Variants in C18orf32 observed in about 807,000 individuals in gnomAD.
The protein encoded by C18orf32 is chromosome 18 open reading frame 32.
In C18orf32, 5 loss-of-function variants were observed where a neutral mutation model predicts 7.4. That is an observed-to-expected ratio of 0.68 (90% CI 0.35 to 1.42). The LOEUF is 1.42. Among genes scored for constraint, C18orf32 ranks in the 40% most tolerant of loss-of-function variants. The pLI is 0.04. For synonymous variants in C18orf32, 30 were observed against 29.3 expected, an observed-to-expected ratio of 1.02 and a Z score of -0.08; for missense variants, 88 against 92.4, an observed-to-expected ratio of 0.95 and a Z score of 0.19.
At chr18:49,483,815 G>T in intron 1 of C18orf32, 44 bp from the exon 2 acceptor site, 1 of 1,568,820 alleles carries the variant, frequency 6.4e-7, no homozygotes, top group South Asian at 1.2e-5. Context: ...TCACAGATTA[G>T]TAACTGAAAG....
In C18orf32 at chr18:49,479,276, G is replaced by A. The variant is rs1011342151; in HGVS notation, c.*3069C>T. On this transcript the variant is annotated 3_prime_UTR_variant, in exon 3 of 3. Transcript: ENST00000318240. ...TGAGGGATAAACCAAGAAGGAAGAG[G>A]ATAGGAAATCCAGAAACAAGACGTC... The A allele has an allele frequency of 1.3e-5, 2 of 152,206 alleles. No homozygotes were observed. The highest frequency in any genetic ancestry group is 4.8e-5 in the African/African-American group (2 of 41,430). The allele number at this position is 152,206 out of a possible 1,614,324, so 9.4% of individuals were successfully genotyped here.
In C18orf32 at chr18:49,480,830, T is replaced by C. The variant is rs1024525240; in HGVS notation, c.*1515A>G. The C allele has an allele frequency of 1.3e-5, 2 of 152,122 alleles. No individual in the cohort carries two copies. Among genetic ancestry groups the C allele is most frequent in the Non-Finnish European group, 2.9e-5 (2 of 68,028 alleles). 9.4% of individuals were successfully genotyped at this position (152,122 alleles called of 1,614,324 possible). On this transcript the variant is annotated 3_prime_UTR_variant, in exon 3 of 3. Coordinates refer to ENST00000318240, the MANE Select transcript of C18orf32 (RefSeq NM_001035005.4). ...TAAGAACAAATTAATTTTCAAAAAG[T>C]TGCTAGAAGGTTACACACAAAATCA... is the stretch of plus-strand genomic sequence containing the variant.
intron 1 of C18orf32, among the ~76,000 whole-genome samples, chr18:49,484,150 ATATATATAT>A (rs1568495840): frequency 0.091 from 4,727 of 51,698 alleles, 233 homozygotes; most frequent in Admixed American, 0.16. Context: ...AAAAAAAAAT[ATATATATAT>A]ATATATATAC....
chr18:49,484,231 A>T (rs1214944941), intron 1 of C18orf32, among the ~76,000 whole-genome samples: 2 of 151,304 alleles, frequency 1.3e-5, no homozygotes, highest in Non-Finnish European at 2.9e-5. Context: ...TGTAGGAAAA[A>T]CTTAAAACAT....
chr18:49,482,006 C>A lies in C18orf32; in HGVS notation c.*339G>T. 1 of 223,510 alleles carries A rather than the reference C, an allele frequency of 4.5e-6. No individual in the cohort carries two copies. Among genetic ancestry groups the A allele is most frequent in the Non-Finnish European group, 8.8e-6 (1 of 113,906 alleles). 13.8% of individuals were successfully genotyped at this position (223,510 alleles called of 1,614,324 possible). On this transcript the variant is annotated 3_prime_UTR_variant, in exon 3 of 3. Coordinates refer to ENST00000318240, the MANE Select transcript of C18orf32 (RefSeq NM_001035005.4). ...AGCCCAAAGAAATTAGAGCAAACAG[C>A]AAATTCATATGAATTAGAGAACCAA... is the stretch of plus-strand genomic sequence containing the variant.
Position 49,481,735 on chromosome 18 carries a change from A to G in C18orf32, c.*610T>C, listed in dbSNP as rs1391953072. The G allele has an allele frequency of 6.6e-6, 1 of 152,260 alleles. No homozygotes were observed. Among genetic ancestry groups the G allele is most frequent in the Non-Finnish European group, 1.5e-5 (1 of 68,060 alleles). 9.4% of individuals were successfully genotyped at this position (152,260 alleles called of 1,614,324 possible). On this transcript the variant is annotated 3_prime_UTR_variant, in exon 3 of 3. Coordinates refer to ENST00000318240, the MANE Select transcript of C18orf32 (RefSeq NM_001035005.4). ...AAGGATTAAAATTTTATAATTAGAC[A>G]TTAATGTAACAGATGTTTCATTTTT...
rs1438163192 is a variant in C18orf32 at position 49,478,669 on chromosome 18, C to A, written c.*3676G>T. 1.3e-5 allele frequency: 2 copies of A among 150,272 alleles called. 1 individual carries two copies. The highest frequency in any genetic ancestry group is 5.0e-5 in the African/African-American group (2 of 39,608). 9.3% of individuals were successfully genotyped at this position (150,272 alleles called of 1,614,324 possible). On this transcript the variant is annotated 3_prime_UTR_variant, in exon 3 of 3. Transcript: ENST00000318240. The stretch of plus-strand genomic sequence containing the variant: ...GTACAATGTGTTTAACAAAGGGTAG[C>A]TCTTACTAAAAAGGCAGCCCTGACC...
chr18:49,484,974 C>T (rs1454693260), intron 1 of C18orf32, among the ~76,000 whole-genome samples: 1 of 151,794 alleles, frequency 6.6e-6, no homozygotes, highest in Admixed American at 6.6e-5. Flanking sequence ...CCCAGCTACT[C>T]GGGAGGCTGA....
intron 2 of C18orf32, 66 bp downstream of exon 2, chr18:49,483,518 T>A: frequency 6.7e-7 from 1 of 1,484,872 alleles, no homozygotes; most frequent in Non-Finnish European, 8.9e-7. Flanking sequence ...CCTTCCAAAA[T>A]CTAGTGTTTC....
At position 49,478,912 on chromosome 18, in the gene C18orf32, T is replaced by TGA. The variant is rs2083639004; in HGVS notation, c.*3432_*3433insTC. On this transcript the variant is annotated 3_prime_UTR_variant, in exon 3 of 3. Coordinates refer to ENST00000318240, the MANE Select transcript of C18orf32 (RefSeq NM_001035005.4). ...CTATTTTTGTCCACTATTCCCATGT[T>TGA]CTTTTTCACTCTTCTGGTGTCAAAC... 1 of 140,900 alleles carries TGA rather than the reference T, an allele frequency of 7.1e-6. No individual in the cohort carries two copies. Among genetic ancestry groups the TGA allele is most frequent in the African/African-American group, 3.2e-5 (1 of 30,870 alleles). 8.7% of individuals were successfully genotyped at this position (140,900 alleles called of 1,614,324 possible).
At position 49,479,949 on chromosome 18, in the gene C18orf32, G is replaced by A. The variant is rs1490113131; in HGVS notation, c.*2396C>T. 3 of 152,364 alleles carry A rather than the reference G, an allele frequency of 2.0e-5. No homozygotes were observed. Among genetic ancestry groups the A allele is most frequent in the African/African-American group, 7.2e-5 (3 of 41,458 alleles). 9.4% of individuals were successfully genotyped at this position (152,364 alleles called of 1,614,324 possible). On this transcript the variant is annotated 3_prime_UTR_variant, in exon 3 of 3. Coordinates refer to ENST00000318240, the MANE Select transcript of C18orf32 (RefSeq NM_001035005.4). ...GCAAAATTTACAAAAGCACTTGGGA[G>A]GATGTGTGGGAGGAGCAGAGGCAGT...
chr18:49,482,343 C>A lies in C18orf32; in HGVS notation c.*2G>T, dbSNP rs2083670999. On this transcript the variant is annotated 3_prime_UTR_variant, in exon 3 of 3. Coordinates refer to ENST00000318240, the MANE Select transcript of C18orf32 (RefSeq NM_001035005.4). ...ATGATGGGGTCCTTTAGGAAAATTT[C>A]TTTAGTCTTTCTTTTTATCACAGAT... 7 of 1,608,494 alleles carry A rather than the reference C, an allele frequency of 4.4e-6. No individual in the cohort carries two copies. In the East Asian group the frequency reaches 1.6e-4, roughly 36 times the overall value.
At chr18:49,483,440 C>T (rs2083690254) in intron 2 of C18orf32, 144 bp downstream of exon 2, 4 of 1,058,198 alleles carry the variant, frequency 3.8e-6, no homozygotes, top group Admixed American at 5.3e-5. Flanking sequence ...AATCAGAGGC[C>T]TACTTTAAAA....
intron 2 of C18orf32, 76 bp from the exon 3 acceptor site, chr18:49,482,486 T>C: frequency 9.7e-7 from 1 of 1,029,694 alleles, no homozygotes; most frequent in Non-Finnish European, 1.5e-6. Flanking sequence ...CCCAGCACTT[T>C]GGGAGGCTGA....
rs1391370890 is a variant in C18orf32, at chr18:49,482,229, T to C, written c.*116A>G. On this transcript the variant is annotated 3_prime_UTR_variant, in exon 3 of 3. Coordinates refer to ENST00000318240, the MANE Select transcript of C18orf32 (RefSeq NM_001035005.4). ...TCCTGATTAGTATCAGGTAAATATC[T>C]AGACTCCTATCCTGAATTCCGGTCT... 4.0e-6 allele frequency: 3 copies of C among 757,298 alleles called. No individual in the cohort carries two copies. The highest frequency in any genetic ancestry group is 1.8e-5 in the African/African-American group (1 of 56,728). 46.9% of individuals were successfully genotyped at this position (757,298 alleles called of 1,614,324 possible).
In C18orf32 at chr18:49,480,367, A is replaced by G. The variant is rs1372191205; in HGVS notation, c.*1978T>C. 6.6e-6 allele frequency: 1 copy of G among 151,898 alleles called. No homozygotes were observed. The highest frequency in any genetic ancestry group is 1.5e-5 in the Non-Finnish European group (1 of 67,974). 9.4% of individuals were successfully genotyped at this position (151,898 alleles called of 1,614,324 possible). On this transcript the variant is annotated 3_prime_UTR_variant, in exon 3 of 3. Coordinates refer to ENST00000318240, the MANE Select transcript of C18orf32 (RefSeq NM_001035005.4). The stretch of plus-strand genomic sequence containing the variant: ...ATATTTTTATAATTTATTTATAAAT[A>G]TGGAGATAAATTTAAAAAGCCCACA...
Position 49,478,083 on chromosome 18 carries a change from T to TA in C18orf32, c.*4261dup, listed in dbSNP as rs1290211827. ...CAGGGTCTTGCTCTGTTGTCCAAGC[T>TA]AGAGTGCAGTGGCTTGATCACAGCT... On this transcript the variant is annotated 3_prime_UTR_variant, in exon 3 of 3. Transcript: ENST00000318240. The TA allele has an allele frequency of 6.7e-6, 1 of 149,710 alleles. No individual in the cohort carries two copies. Among genetic ancestry groups the TA allele is most frequent in the East Asian group, 1.9e-4 (1 of 5,194 alleles). The allele number at this position is 149,710 out of a possible 1,614,324, so 9.3% of individuals were successfully genotyped here.
chr18:49,479,870 A>T lies in C18orf32; in HGVS notation c.*2475T>A, dbSNP rs975948606. 4 of 152,458 alleles carry T rather than the reference A, an allele frequency of 2.6e-5. No individual in the cohort carries two copies. Among genetic ancestry groups the T allele is most frequent in the Non-Finnish European group, 4.4e-5 (3 of 68,282 alleles). The allele number at this position is 152,458 out of a possible 1,614,324, so 9.4% of individuals were successfully genotyped here. On this transcript the variant is annotated 3_prime_UTR_variant, in exon 3 of 3. Transcript: ENST00000318240. ...AGGATGAGGGGAGCAGAGACTTGGG[A>T]GGGGCAAATGAAAGACACCTGGCAC...
chr18:49,486,215 A>C (rs955808622), intron 1 of C18orf32: 1 of 152,174 alleles, frequency 6.6e-6, no homozygotes, highest in African/African-American at 2.4e-5. Context: ...TTCCTCTTCC[A>C]AAAACACAAT....
Sources: allele counts gnomAD v4.1 joint callset (sites outside exome capture counted in the v4.1 genomes callset), GRCh38; gene constraint gnomAD v4.1.1; transcripts MANE v1.5; gene names NCBI Gene and HGNC (gene_info 2026-07-23, HGNC 2026-07-21).